Variants in TBK1 observed in about 807,000 individuals in gnomAD.
TBK1 encodes TANK binding kinase 1, also known as serine/threonine-protein kinase TBK1.
TBK1 carries 37 observed loss-of-function variants against 99.9 expected under a neutral mutation model. The observed-to-expected ratio is 0.37, with a 90% confidence interval of 0.28 to 0.49. The LOEUF is 0.49. Ranked by LOEUF, TBK1 falls within the 20% of genes least tolerant of loss-of-function variation. TBK1 has a pLI of 0.98. For missense variants in TBK1, 644 were observed against 872.5 expected (o/e 0.74, Z 3.30); for synonymous variants, 258 against 279.8 (o/e 0.92, Z 0.78).
chr12:64,501,514 A>G lies in TBK1; in HGVS notation c.*133A>G, dbSNP rs2040989588. ...TGATGTGGTCGTGTAAATATGTACA[A>G]TATTGTAAATACATAAAAAATATAC... On this transcript the variant is annotated 3_prime_UTR_variant, in exon 21 of 21. Transcript: ENST00000331710. 2.5e-6 allele frequency: 2 copies of G among 789,990 alleles called. No individual in the cohort carries two copies. Among genetic ancestry groups the G allele is most frequent in the Non-Finnish European group, 3.9e-6 (2 of 512,960 alleles). 48.9% of individuals were successfully genotyped at this position (789,990 alleles called of 1,614,324 possible).
At chr12:64,482,704 G>A (rs1250782011) in intron 8 of TBK1, among the ~76,000 whole-genome samples, 2 of 152,190 alleles carry the variant, frequency 1.3e-5, no homozygotes, top group Non-Finnish European at 2.9e-5. Flanking sequence ...ACAGCTGCCT[G>A]CAGTATTAAG....
At chr12:64,501,300 T>TA (rs2040985680) in intron 20 of TBK1, 30 bp from the exon 21 acceptor site, 1 of 1,611,554 alleles carries the variant, frequency 6.2e-7, no homozygotes, top group Non-Finnish European at 8.5e-7. Context: ...CTTTTGAGAT[T>TA]ACCTTTTTTT....
intron 8 of TBK1, 175 bp from the exon 9 acceptor site, chr12:64,484,128 G>T: frequency 2.0e-6 from 1 of 504,580 alleles, no homozygotes; most frequent in South Asian, 3.3e-5. Context: ...CTTACTGTAT[G>T]GACAGGTTAT....
chr12:64,481,893 T>C lies in TBK1; in HGVS notation c.864T>C (p.Asp288=). 1 of 1,610,458 alleles carries C rather than the reference T, an allele frequency of 6.2e-7. No individual in the cohort carries two copies. Among genetic ancestry groups the C allele is most frequent in the African/African-American group, 1.3e-5 (1 of 74,772 alleles). ...TTCTTGCAAACATCCTTGAAGCAGA[T>C]CAGGAAAAGTGTTGGGGTTTTGACC... The part of the protein sequence containing the change: ...TPVLANILEA[D]QEKCWGFDQF... The change falls in exon 8 of 21, where the codon GAT becomes GAC. Residue 288 remains aspartate (D), a synonymous_variant. Coordinates refer to ENST00000331710, the MANE Select transcript of TBK1 (RefSeq NM_013254.4).
chr12:64,498,559 C>G (rs1189519551), intron 20 of TBK1, among the ~76,000 whole-genome samples: 1 of 152,244 alleles, frequency 6.6e-6, no homozygotes, highest in Admixed American at 6.5e-5. Context: ...CCTGATTCCT[C>G]AGAGAAATTA....
At chr12:64,461,733 C>T (rs775645758) in intron 3 of TBK1, among the ~76,000 whole-genome samples, 6 of 152,144 alleles carry the variant, frequency 3.9e-5, no homozygotes, top group Non-Finnish European at 8.8e-5. Context: ...TCATCCCAGC[C>T]GGCTACAAAT....
chr12:64,496,770 C>T (rs982350260), intron 16 of TBK1, among the ~76,000 whole-genome samples, 179 bp from the exon 17 acceptor site: 2 of 152,188 alleles, frequency 1.3e-5, no homozygotes, highest in African/African-American at 4.8e-5. Flanking sequence ...TTTGAACCTT[C>T]TCTTTATCTT....
rs551222194 is a variant in TBK1, at chr12:64,496,417, A to C, written c.1760+11A>C. On this transcript the variant is annotated intron_variant, in intron 16 of 20. Transcript: ENST00000331710. ...CCACAAATTTGATAAGTAAGTATCCAGATTATGTTTAATAGTTATTTTTGG... is the reference window on the plus strand; with the variant it reads ...CCACAAATTTGATAAGTAAGTATCCCGATTATGTTTAATAGTTATTTTTGG... 1.6e-6 allele frequency: 2 copies of C among 1,235,218 alleles called. No homozygotes were observed. Among genetic ancestry groups the C allele is most frequent in the African/African-American group, 1.5e-5 (1 of 64,656 alleles). The allele number at this position is 1,235,218 out of a possible 1,614,324, so 76.5% of individuals were successfully genotyped here. A position where few individuals can be genotyped will look rare whatever the true frequency, so the allele number is the denominator to read the frequency against.
At chr12:64,458,830 C>T (rs1565811626) in intron 2 of TBK1, among the ~76,000 whole-genome samples, 1 of 152,162 alleles carries the variant, frequency 6.6e-6, no homozygotes, top group Non-Finnish European at 1.5e-5. Flanking sequence ...TGTCTTAACC[C>T]TTGCTGAACT....
At chr12:64,493,940 C>T (rs546137312) in intron 13 of TBK1, among the ~76,000 whole-genome samples, 7 of 152,108 alleles carry the variant, frequency 4.6e-5, no homozygotes, top group Non-Finnish European at 1.0e-4. Context: ...TTTGGTAACA[C>T]CATTTTCTTA....
chr12:64,453,733 G>C (rs1370668655), intron 1 of TBK1, among the ~76,000 whole-genome samples: 1 of 152,154 alleles, frequency 6.6e-6, no homozygotes, highest in African/African-American at 2.4e-5. Flanking sequence ...GTTTAAGGGG[G>C]CATGGTGGGA....
intron 5 of TBK1, among the ~76,000 whole-genome samples, chr12:64,467,893 G>T (rs1400453408): frequency 6.6e-6 from 1 of 152,154 alleles, no homozygotes; most frequent in Non-Finnish European, 1.5e-5. Flanking sequence ...TGATCTTTTA[G>T]ATAAGAGTAC....
At chr12:64,457,383 G>T (rs753709049) in intron 2 of TBK1, among the ~76,000 whole-genome samples, 1 of 152,108 alleles carries the variant, frequency 6.6e-6, no homozygotes, top group Non-Finnish European at 1.5e-5. Context: ...TGGGTACTCC[G>T]TCCTAGAAAT....
rs1264686853 is a variant in TBK1, at chr12:64,485,531, T to A, written c.1248+18T>A. The A allele has an allele frequency of 9.5e-6, 13 of 1,361,302 alleles. No homozygotes were observed. The highest frequency in any genetic ancestry group is 1.4e-5 in the African/African-American group (1 of 69,074). 84.3% of individuals were successfully genotyped at this position (1,361,302 alleles called of 1,614,324 possible). On this transcript the variant is annotated intron_variant, in intron 10 of 20. Transcript: ENST00000331710. ...TGGCTAAGGTTAGTATTTAATTTAA[T>A]TACTATGTAAACATCTGAATTTAAT...
At chr12:64,466,843 A>G in intron 4 of TBK1, 58 bp from the exon 5 acceptor site, 2 of 1,342,538 alleles carry the variant, frequency 1.5e-6, no homozygotes, top group Non-Finnish European at 2.0e-6. Context: ...AATTTGAGAC[A>G]TGCACACATA....
chr12:64,477,696 G>A (rs188338759), intron 6 of TBK1, among the ~76,000 whole-genome samples: 1,775 of 152,234 alleles, frequency 0.012, 9 homozygotes, highest in Non-Finnish European at 0.016. Flanking sequence ...TGTTGAATAG[G>A]AGTGGTGAGA....
intron 1 of TBK1, among the ~76,000 whole-genome samples, chr12:64,453,279 C>G (rs1289186046): frequency 1.3e-5 from 2 of 152,288 alleles, no homozygotes; most frequent in East Asian, 3.9e-4. Flanking sequence ...GATATCTTAG[C>G]TGATAAATAT....
rs777230876 is a variant in TBK1 at position 64,495,610 on chromosome 12, T to C, written c.1643+6T>C. 1 of 1,613,612 alleles carries C rather than the reference T, an allele frequency of 6.2e-7. No homozygotes were observed. The highest frequency in any genetic ancestry group is 8.5e-7 in the Non-Finnish European group (1 of 1,179,866). On this transcript the variant is annotated splice_donor_region_variant and intron_variant, in intron 14 of 20. Transcript: ENST00000331710. ...ACTCATCCGAAAGACAGAAAGTAGG[T>C]TATAGCTTTATGCGTAGTTTCTGCT...
intron 3 of TBK1, among the ~76,000 whole-genome samples, chr12:64,463,496 C>T (rs1047033775): frequency 6.6e-6 from 1 of 151,698 alleles, no homozygotes. Flanking sequence ...CCCAGAAATT[C>T]GAGACTAGCC....
Sources: allele counts gnomAD v4.1 joint callset (sites outside exome capture counted in the v4.1 genomes callset), GRCh38; gene constraint gnomAD v4.1.1; transcripts MANE v1.5; gene names NCBI Gene and HGNC (gene_info 2026-07-23, HGNC 2026-07-21).